FIP1L1: variants seen among roughly 807,000 people sequenced by gnomAD.
The protein encoded by FIP1L1 is pre-mRNA 3'-end-processing factor FIP1.
Under a neutral mutation model 84.6 loss-of-function variants are expected in FIP1L1, and 21 were observed. The observed-to-expected ratio is 0.25, with a 90% CI of 0.18 to 0.36. FIP1L1 has a LOEUF of 0.36. Ranked by LOEUF, FIP1L1 falls within the 10% of genes least tolerant of loss-of-function variation. The probability of loss-of-function intolerance (pLI) is 1.00; values close to 1 mark genes in which losing one functional copy is unlikely to be tolerated. For missense variants in FIP1L1, 526 were observed against 751.1 expected, an observed-to-expected ratio of 0.70 and a Z score of 3.50; for synonymous variants, 263 against 242.3, an observed-to-expected ratio of 1.09 and a Z score of -0.80.
At chr4:53,386,387 A>G (rs1392966271) in intron 5 of FIP1L1, among the ~76,000 whole-genome samples, 2 of 152,132 alleles carry the variant, frequency 1.3e-5, no homozygotes, top group African/African-American at 2.4e-5. Context: ...GAAAGCAGCA[A>G]TTTTTTATCT....
At chr4:53,411,031 G>C (rs1362479825) in intron 10 of FIP1L1, among the ~76,000 whole-genome samples, 1 of 152,138 alleles carries the variant, frequency 6.6e-6, no homozygotes, top group African/African-American at 2.4e-5. Context: ...GGTTTAAAGT[G>C]TGACAGTCTT....
intron 11 of FIP1L1, among the ~76,000 whole-genome samples, chr4:53,417,574 G>A (rs1011841786): frequency 1.7e-4 from 25 of 145,248 alleles, no homozygotes; most frequent in African/African-American, 5.5e-4. Flanking sequence ...CCCGGGAGGC[G>A]GAGGTTGCAG....
chr4:53,452,839 A>T (rs551628385), intron 15 of FIP1L1, 81 bp from the exon 16 acceptor site: 1 of 976,186 alleles, frequency 1.0e-6, no homozygotes, highest in South Asian at 1.4e-5. Context: ...TTTCTATTAT[A>T]ATCTCATGAC....
In FIP1L1 at chr4:53,459,575, C is replaced by T. The variant is rs1416696450; in HGVS notation, c.*126C>T. On this transcript the variant is annotated 3_prime_UTR_variant, in exon 18 of 18. Transcript: ENST00000337488. ...TCTGTTTGTTAGTATGAAAAGTTAA[C>T]TTTTTTTCCAAAATAAAAGAGTGAA... 10 of 1,368,370 alleles carry T rather than the reference C, an allele frequency of 7.3e-6. No homozygotes were observed. Among genetic ancestry groups the T allele is most frequent in the Non-Finnish European group, 9.1e-6 (9 of 986,024 alleles). The allele number at this position is 1,368,370 out of a possible 1,614,324, so 84.8% of individuals were successfully genotyped here. A position where few individuals can be genotyped will look rare whatever the true frequency, so the allele number is the denominator to read the frequency against.
chr4:53,405,973 C>A (rs1753187166), intron 10 of FIP1L1, among the ~76,000 whole-genome samples: 2 of 151,974 alleles, frequency 1.3e-5, no homozygotes, highest in Non-Finnish European at 2.9e-5. Flanking sequence ...ATTTGACTTC[C>A]TCTTTTCCTA....
chr4:53,460,781 A>ATACTT lies in FIP1L1; in HGVS notation c.*1334_*1338dup, dbSNP rs912266781. Reference sequence around the variant, plus strand: ...TGTAACTGGCTTTCATTAGATGATCATACTTTTCCTGACATTTTTACAATG... The same window carrying ATACTT: ...TGTAACTGGCTTTCATTAGATGATCATACTTTACTTTTCCTGACATTTTTACAATG... On this transcript the variant is annotated 3_prime_UTR_variant, in exon 18 of 18. Coordinates refer to ENST00000337488, the MANE Select transcript of FIP1L1 (RefSeq NM_030917.4). 2.4e-5 allele frequency: 24 copies of ATACTT among 999,648 alleles called. No individual in the cohort carries two copies. Among genetic ancestry groups the ATACTT allele is most frequent in the Admixed American group, 5.8e-5 (2 of 34,782 alleles). 61.9% of individuals were successfully genotyped at this position (999,648 alleles called of 1,614,324 possible). A position where few individuals can be genotyped will look rare whatever the true frequency, so the allele number is the denominator to read the frequency against.
At chr4:53,380,081 A>G (rs1736988060) in intron 3 of FIP1L1, among the ~76,000 whole-genome samples, 1 of 152,232 alleles carries the variant, frequency 6.6e-6, no homozygotes, top group East Asian at 1.9e-4. Flanking sequence ...GCTTTGAAGA[A>G]CAGCCTGGCC....
chr4:53,453,817 C>T (rs1717431386), intron 16 of FIP1L1, among the ~76,000 whole-genome samples: 1 of 152,146 alleles, frequency 6.6e-6, no homozygotes, highest in African/African-American at 2.4e-5. Context: ...CCCAGGCTCA[C>T]TCTCTTAAAA....
intron 15 of FIP1L1, among the ~76,000 whole-genome samples, chr4:53,445,593 T>C (rs1479000763): frequency 3.3e-5 from 5 of 152,176 alleles, no homozygotes; most frequent in Non-Finnish European, 5.9e-5. Context: ...GAAAAGGGCC[T>C]TGAGTCTTCA....
In FIP1L1 at chr4:53,460,715, A is replaced by AACT. The variant is rs1359061501; in HGVS notation, c.*1268_*1270dup. Reference sequence around the variant, plus strand: ...TGAGAAATCCTCCACACTGAAAAAAAACTAGTAGTTTTAATTTTTTTGGAA... The same window carrying AACT: ...TGAGAAATCCTCCACACTGAAAAAAAACTACTAGTAGTTTTAATTTTTTTGGAA... On this transcript the variant is annotated 3_prime_UTR_variant, in exon 18 of 18. Transcript: ENST00000337488. 4 of 549,052 alleles carry AACT rather than the reference A, an allele frequency of 7.3e-6. No homozygotes were observed. The highest frequency in any genetic ancestry group is 3.3e-5 in the East Asian group (1 of 30,048). The allele number at this position is 549,052 out of a possible 1,614,324, so 34.0% of individuals were successfully genotyped here.
At chr4:53,456,322 T>A (rs1718891617) in intron 16 of FIP1L1, among the ~76,000 whole-genome samples, 1 of 152,150 alleles carries the variant, frequency 6.6e-6, no homozygotes. Flanking sequence ...ATTACTGAGT[T>A]TTTATTGAAA....
At chr4:53,432,594 T>C (rs1767280406) in intron 13 of FIP1L1, among the ~76,000 whole-genome samples, 1 of 152,188 alleles carries the variant, frequency 6.6e-6, no homozygotes, top group Admixed American at 6.5e-5. Context: ...TAGCTAATAC[T>C]TATTGAATGC....
chr4:53,417,711 T>C (rs914628124), intron 11 of FIP1L1, among the ~76,000 whole-genome samples: 13 of 137,484 alleles, frequency 9.5e-5, no homozygotes, highest in African/African-American at 3.6e-4. Context: ...AAGCTACTTT[T>C]TCTCTTTGCT....
At chr4:53,409,026 C>T (rs537162053) in intron 10 of FIP1L1, among the ~76,000 whole-genome samples, 7 of 152,268 alleles carry the variant, frequency 4.6e-5, no homozygotes, top group South Asian at 2.1e-4. Context: ...AGCTTTGTTC[C>T]GTTGCTTGTG....
At chr4:53,455,057 A>G (rs866475509) in intron 16 of FIP1L1, among the ~76,000 whole-genome samples, 15 of 152,210 alleles carry the variant, frequency 9.9e-5, no homozygotes, top group Middle Eastern at 6.8e-3. Context: ...GCTAGCTTCC[A>G]TTTCTTCTGC....
At chr4:53,431,574 A>G (rs968873365) in intron 13 of FIP1L1, among the ~76,000 whole-genome samples, 1 of 151,036 alleles carries the variant, frequency 6.6e-6, no homozygotes, top group African/African-American at 2.4e-5. Flanking sequence ...TATAGTAATG[A>G]TATTTTATTC....
At chr4:53,414,020 T>C (rs1758346463) in intron 10 of FIP1L1, among the ~76,000 whole-genome samples, 1 of 152,196 alleles carries the variant, frequency 6.6e-6, no homozygotes, top group Non-Finnish European at 1.5e-5. Flanking sequence ...TCTTATTAGT[T>C]CTGTAAAGTA....
At chr4:53,444,382 A>T (rs558010901) in intron 15 of FIP1L1, among the ~76,000 whole-genome samples, 1 of 152,258 alleles carries the variant, frequency 6.6e-6, no homozygotes, top group South Asian at 2.1e-4. Flanking sequence ...AATTTGTCTC[A>T]ATCTTCGTTG....
rs1578034468 is a variant in FIP1L1, at chr4:53,378,081, C to T, written c.85+158C>T. ...GGCCGAGCGCGGCGTGCGCGTGCCC[C>T]CAGTCCCCGCGGCGGTCTCCCGCCT... is the stretch of plus-strand genomic sequence containing the variant. On this transcript the variant is annotated intron_variant, in intron 1 of 17. Transcript: ENST00000337488. 7 of 582,912 alleles carry T rather than the reference C, an allele frequency of 1.2e-5. No homozygotes were observed. The East Asian group carries it at 2.4e-4, about 20-fold the overall frequency. 36.1% of individuals were successfully genotyped at this position (582,912 alleles called of 1,614,324 possible).
Sources: allele counts gnomAD v4.1 joint callset (sites outside exome capture counted in the v4.1 genomes callset), GRCh38; gene constraint gnomAD v4.1.1; transcripts MANE v1.5; gene names NCBI Gene and HGNC (gene_info 2026-07-23, HGNC 2026-07-21).